PTPRB: variants seen among roughly 807,000 people sequenced by gnomAD.
The protein encoded by PTPRB is protein tyrosine phosphatase receptor type B, also known as receptor-type tyrosine-protein phosphatase beta.
Under a neutral mutation model 238.1 loss-of-function variants are expected in PTPRB, and 97 were observed. That is an observed-to-expected ratio of 0.41 (90% CI 0.35 to 0.48). PTPRB has a LOEUF of 0.48. Ranked by LOEUF, PTPRB falls within the 20% of genes least tolerant of loss-of-function variation. The pLI is 0.30. For synonymous variants in PTPRB, 970 were observed against 995.4 expected (o/e 0.97, Z 0.48); for missense variants, 2,292 against 2,681.9 (o/e 0.85, Z 3.21).
intron 22 of PTPRB, among the ~76,000 whole-genome samples, chr12:70,543,785 C>T (rs11178278): frequency 0.032 from 4,844 of 152,274 alleles, 162 homozygotes; most frequent in East Asian, 0.15. Flanking sequence ...AGAGGTTGTA[C>T]GCTTGGGCAG....
Position 70,636,128 on chromosome 12 carries a change from A to G in PTPRB, c.56-62T>C, listed in dbSNP as rs1885679033. The G allele has an allele frequency of 2.3e-5, 33 of 1,436,780 alleles. No homozygotes were observed. In the South Asian group the frequency reaches 5.2e-4, roughly 23 times the overall value. 89.0% of individuals were successfully genotyped at this position (1,436,780 alleles called of 1,614,324 possible). A position where few individuals can be genotyped will look rare whatever the true frequency, so the allele number is the denominator to read the frequency against. ...AATTATGAGGCCCATTAGAAAACGG[A>G]AGAACCCACCCACAAATGAGCTAAA... On this transcript the variant is annotated intron_variant, in intron 1 of 33. Coordinates refer to ENST00000334414, the MANE Select transcript of PTPRB (RefSeq NM_001109754.4).
At position 70,636,076 on chromosome 12, in the gene PTPRB, G is replaced by A. The variant is rs759837814; in HGVS notation, c.56-10C>T. ...ACAATCTGAAACCCTTCTGGAAGAT[G>A]AAAAGCTCATAAAGCACTATGTAGC... is the stretch of plus-strand genomic sequence containing the variant. On this transcript the variant is annotated splice_polypyrimidine_tract_variant and intron_variant, in intron 1 of 33. Transcript: ENST00000334414. The A allele has an allele frequency of 6.9e-6, 11 of 1,595,372 alleles. No homozygotes were observed. The highest frequency in any genetic ancestry group is 7.7e-6 in the Non-Finnish European group (9 of 1,170,084).
At chr12:70,553,444 C>T (rs1007465016) in intron 20 of PTPRB, among the ~76,000 whole-genome samples, 3 of 152,172 alleles carry the variant, frequency 2.0e-5, no homozygotes, top group Admixed American at 6.5e-5. Context: ...TAAGAGAAAT[C>T]ATGTCCTAGG....
intron 3 of PTPRB, among the ~76,000 whole-genome samples, chr12:70,615,664 C>G (rs1331558128): frequency 6.6e-6 from 1 of 152,178 alleles, no homozygotes; most frequent in African/African-American, 2.4e-5. Flanking sequence ...TCCTGCCACC[C>G]CACCCTTGGA....
intron 21 of PTPRB, 45 bp from the exon 22 acceptor site, chr12:70,544,708 C>T (rs201625929): frequency 7.5e-7 from 1 of 1,332,778 alleles, no homozygotes; most frequent in African/African-American, 1.5e-5. Context: ...AGTTGTTGAA[C>T]ACAGTAGCTG....
intron 14 of PTPRB, among the ~76,000 whole-genome samples, chr12:70,568,002 T>C (rs1879528684): frequency 1.3e-5 from 2 of 152,230 alleles, no homozygotes; most frequent in Non-Finnish European, 1.5e-5. Context: ...TATTCTAGTA[T>C]ACTAAAAAAG....
chr12:70,535,023 C>T lies in PTPRB; in HGVS notation c.6082-68G>A. Reference sequence around the variant, plus strand: ...ACTCCTTGGTGAACCTGGGGTTTCCCTCCTCTAAATGTCTTCCAAAGTTAG... The same window carrying T: ...ACTCCTTGGTGAACCTGGGGTTTCCTTCCTCTAAATGTCTTCCAAAGTTAG... On this transcript the variant is annotated intron_variant, in intron 29 of 33. Coordinates refer to ENST00000334414, the MANE Select transcript of PTPRB (RefSeq NM_001109754.4). 3.2e-6 allele frequency: 5 copies of T among 1,538,552 alleles called. No individual in the cohort carries two copies. In the South Asian group the frequency reaches 4.9e-5, roughly 15 times the overall value.
At chr12:70,635,569 G>A in intron 2 of PTPRB, 102 bp downstream of exon 2, 1 of 1,362,734 alleles carries the variant, frequency 7.3e-7, no homozygotes, top group South Asian at 1.5e-5. Flanking sequence ...GGGGCATGTG[G>A]ACTTCCCTTA....
chr12:70,631,020 T>G (rs1566026563), intron 2 of PTPRB, among the ~76,000 whole-genome samples: 1 of 152,164 alleles, frequency 6.6e-6, no homozygotes, highest in African/African-American at 2.4e-5. Context: ...AATTTATAGA[T>G]TCAATGCCAT....
Position 70,587,188 on chromosome 12 carries a change from T to G in PTPRB, c.2130A>C (p.Ala710=), listed in dbSNP as rs754236008. 6.2e-7 allele frequency: 1 copy of G among 1,613,778 alleles called. No homozygotes were observed. Among genetic ancestry groups the G allele is most frequent in the Non-Finnish European group, 8.5e-7 (1 of 1,179,720 alleles). The change falls in exon 9 of 34, where the codon GCA becomes GCC. Residue 710 remains alanine (A), a synonymous_variant. Transcript: ENST00000334414. The part of the protein sequence containing the change: ...SLSIMWQTPV[A]EWEKYIISLA... ...GGGAAATGATGTATTTCTCCCATTC[T>G]GCTACAGGGGTCTGCCACATGATAC... is the stretch of plus-strand genomic sequence containing the variant.
chr12:70,524,842 T>C (rs1280977419), intron 32 of PTPRB, among the ~76,000 whole-genome samples: 1 of 144,216 alleles, frequency 6.9e-6, no homozygotes, highest in East Asian at 1.9e-4. Flanking sequence ...CATATATGTG[T>C]GTATATATGT....
intron 2 of PTPRB, among the ~76,000 whole-genome samples, chr12:70,623,029 T>C (rs1351040051): frequency 2.0e-5 from 3 of 152,160 alleles, no homozygotes; most frequent in African/African-American, 7.2e-5. Context: ...TATGTGAATA[T>C]GTACTTTTCT....
intron 32 of PTPRB, 50 bp from the exon 33 acceptor site, chr12:70,524,641 G>A: frequency 6.6e-7 from 1 of 1,518,424 alleles, no homozygotes; most frequent in South Asian, 1.3e-5. Flanking sequence ...TCATGCATAA[G>A]AAAGATGAGA....
rs1884993601 is a variant in PTPRB at position 70,622,618 on chromosome 12, C to T, written c.480G>A (p.Arg160=). 1 of 1,577,994 alleles carries T rather than the reference C, an allele frequency of 6.3e-7. No individual in the cohort carries two copies. The highest frequency in any genetic ancestry group is 2.3e-5 in the East Asian group (1 of 43,278). ...KAGLGAEVSV[R]STRNTAPPQI... ...GGGGTGGAGCCGTGTTTCTAGTGCT[C>T]CTCACCGAAACTTCTGCTCCCAGGC... The change falls in exon 3 of 34, where the codon AGG becomes AGA. Residue 160 remains arginine, a synonymous_variant. Coordinates refer to ENST00000334414, the MANE Select transcript of PTPRB (RefSeq NM_001109754.4).
chr12:70,582,710 T>G (rs1881510646), intron 9 of PTPRB, among the ~76,000 whole-genome samples: 1 of 152,068 alleles, frequency 6.6e-6, no homozygotes, highest in African/African-American at 2.4e-5. Flanking sequence ...ACTATAACCT[T>G]CTAGGAGAAA....
chr12:70,607,718 A>G (rs1036964229), intron 4 of PTPRB, among the ~76,000 whole-genome samples: 9 of 151,196 alleles, frequency 6.0e-5, no homozygotes, highest in South Asian at 2.1e-4. Context: ...TTATTTATTT[A>G]TTTGTTTTAT....
chr12:70,601,236 C>T (rs1421421100), intron 4 of PTPRB, among the ~76,000 whole-genome samples: 1 of 151,974 alleles, frequency 6.6e-6, no homozygotes, highest in Non-Finnish European at 1.5e-5. Flanking sequence ...CTCCTGAGCT[C>T]ACATGATCCT....
In PTPRB at chr12:70,623,105, G is replaced by A. The variant is rs2136582052; in HGVS notation, c.452-459C>T. ...CAGGTTTTAAACAAAATACCAGGTT[G>A]AGAATCACTGTTAATGACTTGCCTA... On this transcript the variant is annotated intron_variant, in intron 2 of 33. Transcript: ENST00000334414. Among the ~76,000 whole-genome samples the A allele has an allele frequency of 1.3e-5, 2 of 152,266 alleles. 1 individual carries two copies. Among genetic ancestry groups the A allele is most frequent in the South Asian group, 4.1e-4 (2 of 4,826 alleles).
chr12:70,599,874 G>A (rs1306717853), intron 4 of PTPRB, among the ~76,000 whole-genome samples: 1 of 152,026 alleles, frequency 6.6e-6, no homozygotes, highest in Non-Finnish European at 1.5e-5. Flanking sequence ...GGAGGCTGAG[G>A]CAGGAGGGTT....
Sources: gnomAD v4.1 joint callset for allele counts (sites outside exome capture counted in the v4.1 genomes callset) on GRCh38, gnomAD v4.1.1 for gene constraint, MANE v1.5 for transcripts, NCBI Gene and HGNC (gene_info 2026-07-23, HGNC 2026-07-21) for gene names.